The following TRIM16 variants were observed in gnomAD, a reference collection of about 807,000 sequenced individuals.
The protein encoded by TRIM16 is tripartite motif-containing protein 16.
TRIM16 carries 33 observed loss-of-function variants against 50.4 expected under a neutral mutation model. The observed-to-expected ratio is 0.65, with a 90% CI of 0.50 to 0.88. The LOEUF (loss-of-function observed/expected upper bound fraction) is 0.88, where lower values mean the gene tolerates loss of function less well. TRIM16 is among the 40% of genes least tolerant of loss of function. TRIM16 has a pLI of 0.00. For missense variants in TRIM16, 581 were observed against 686.8 expected (o/e 0.85, Z 1.72); for synonymous variants, 229 against 270.7 (o/e 0.85, Z 1.51).
At chr17:15,667,329 A>C in intron 6 of TRIM16, among the ~76,000 whole-genome samples, 1 of 152,204 alleles carries the variant, frequency 6.6e-6, no homozygotes, top group Non-Finnish European at 1.5e-5. Context: ...TTTTCCACAC[A>C]CTCAAAAATT....
chr17:15,642,842 G>C, intron 7 of TRIM16, 26 bp from the exon 8 acceptor site: 2 of 588,598 alleles, frequency 3.4e-6, no homozygotes, highest in Non-Finnish European at 5.6e-6. Context: ...AGAGAATTAA[G>C]GAGGAAGGAG....
At chr17:15,682,481 C>G (rs1048218287) in intron 3 of TRIM16, among the ~76,000 whole-genome samples, 1 of 152,198 alleles carries the variant, frequency 6.6e-6, no homozygotes, top group South Asian at 2.1e-4. Flanking sequence ...TTTGGGGGAT[C>G]CCTTTGTATC....
intron 7 of TRIM16, among the ~76,000 whole-genome samples, chr17:15,647,813 T>TCACA (rs1388052384): frequency 3.0e-5 from 3 of 100,236 alleles, no homozygotes; most frequent in African/African-American, 1.7e-4. Flanking sequence ...AGTCCAGATT[T>TCACA]CATACACACA....
Position 15,684,295 on chromosome 17 carries a change from A to T in TRIM16, c.-998T>A, listed in dbSNP as rs553691820. On this transcript the variant is annotated 5_prime_UTR_variant, in exon 1 of 12. Coordinates refer to ENST00000649191, the MANE Select transcript of TRIM16 (RefSeq NM_001348119.1). ...CTCGCCACGCGCGGAGATCCTCCAG[A>T]GAAAGGGGCCGGAAACGGAAGTGCG... 1 of 152,366 alleles carries T rather than the reference A, an allele frequency of 6.6e-6. No homozygotes were observed. The highest frequency in any genetic ancestry group is 1.9e-4 in the East Asian group (1 of 5,186). 9.4% of individuals were successfully genotyped at this position (152,366 alleles called of 1,614,324 possible). A position where few individuals can be genotyped will look rare whatever the true frequency, so the allele number is the denominator to read the frequency against.
intron 6 of TRIM16, chr17:15,654,229 C>T (rs968861997): frequency 2.6e-5 from 4 of 152,214 alleles, no homozygotes; most frequent in Admixed American, 2.6e-4. Context: ...TTTACAAATT[C>T]ATTCCAGACA....
chr17:15,665,899 T>C (rs996262046), intron 6 of TRIM16, among the ~76,000 whole-genome samples: 1 of 152,192 alleles, frequency 6.6e-6, no homozygotes, highest in Non-Finnish European at 1.5e-5. Flanking sequence ...CAAAATTAAA[T>C]GTAAGGCCTC....
chr17:15,629,258 T>C, intron 11 of TRIM16, 60 bp from the exon 12 acceptor site: 1 of 1,091,130 alleles, frequency 9.2e-7, no homozygotes, highest in Non-Finnish European at 1.3e-6. Flanking sequence ...TCAGACAGAA[T>C]GCTTTAAACC....
chr17:15,644,791 C>G (rs1987281597), intron 7 of TRIM16, among the ~76,000 whole-genome samples: 1 of 151,040 alleles, frequency 6.6e-6, no homozygotes, highest in Non-Finnish European at 1.5e-5. Context: ...GAGACCAAAC[C>G]TAAGTTTTTG....
At chr17:15,665,025 C>T (rs529134558) in intron 6 of TRIM16, among the ~76,000 whole-genome samples, 2 of 121,306 alleles carry the variant, frequency 1.6e-5, no homozygotes, top group South Asian at 5.7e-4. Flanking sequence ...GAGTGAGACT[C>T]CGTCTCAAAA....
At chr17:15,647,758 C>T (rs1987466055) in intron 7 of TRIM16, among the ~76,000 whole-genome samples, 1 of 151,692 alleles carries the variant, frequency 6.6e-6, no homozygotes, top group Non-Finnish European at 1.5e-5. Flanking sequence ...AAGAACCATA[C>T]CTGCTTCATG....
In TRIM16 at chr17:15,684,255, C is replaced by G. The variant is rs1436201462; in HGVS notation, c.-958G>C. 1 of 152,134 alleles carries G rather than the reference C, an allele frequency of 6.6e-6. No homozygotes were observed. Among genetic ancestry groups the G allele is most frequent in the Non-Finnish European group, 1.5e-5 (1 of 68,042 alleles). 9.4% of individuals were successfully genotyped at this position (152,134 alleles called of 1,614,324 possible). ...CAGAGAGGGTGTCTGCTCTGGGGGACAGGGAGGACACAGACTCGCCACGCG... is the reference window on the plus strand; with the variant it reads ...CAGAGAGGGTGTCTGCTCTGGGGGAGAGGGAGGACACAGACTCGCCACGCG... On this transcript the variant is annotated 5_prime_UTR_variant, in exon 1 of 12. Coordinates refer to ENST00000649191, the MANE Select transcript of TRIM16 (RefSeq NM_001348119.1).
At chr17:15,680,311 G>A (rs1989132532) in intron 4 of TRIM16, among the ~76,000 whole-genome samples, 1 of 142,822 alleles carries the variant, frequency 7.0e-6, no homozygotes, top group Non-Finnish European at 1.5e-5. Context: ...TTTTCCCTAA[G>A]ACACTTTATA....
chr17:15,677,221 G>A lies in TRIM16; in HGVS notation c.-383C>T, dbSNP rs1354954170. On this transcript the variant is annotated 5_prime_UTR_variant, in exon 6 of 12. In the 5' UTR this introduces an upstream ATG that the reference lacks. Transcript: ENST00000649191. ...ACCTCTCCCTCCTGCATTTGTGTTC[G>A]TGGGCTTACCACTTCTTCCAACTAG... 13 of 985,224 alleles carry A rather than the reference G, an allele frequency of 1.3e-5. No individual in the cohort carries two copies. The highest frequency in any genetic ancestry group is 1.7e-5 in the African/African-American group (1 of 57,182). 61.0% of individuals were successfully genotyped at this position (985,224 alleles called of 1,614,324 possible).
At chr17:15,661,368 G>A (rs1988230570) in intron 6 of TRIM16, among the ~76,000 whole-genome samples, 1 of 152,166 alleles carries the variant, frequency 6.6e-6, no homozygotes, top group Non-Finnish European at 1.5e-5. Flanking sequence ...GTGAGACAAG[G>A]AGCTGGCCAA....
chr17:15,635,120 T>C lies in TRIM16; in HGVS notation c.849+916A>G, dbSNP rs947078898. The stretch of plus-strand genomic sequence containing the variant: ...TTCCAAGTTTTTCACAATAAACATT[T>C]GTTTTTTGTAACTAGCAGAGAATTT... On this transcript the variant is annotated intron_variant, in intron 9 of 11. Coordinates refer to ENST00000649191, the MANE Select transcript of TRIM16 (RefSeq NM_001348119.1). Among the ~76,000 whole-genome samples the C allele has an allele frequency of 6.8e-4, 100 of 147,418 alleles. 3 individuals are homozygous for C. The highest frequency in any genetic ancestry group is 1.3e-3 in the Non-Finnish European group (85 of 66,766).
chr17:15,628,956 T>G lies in TRIM16; in HGVS notation c.1354A>C (p.Lys452Gln), dbSNP rs1291116453. ...VGLTCKGIDR[K>Q]GEERNSCISG... ...ATGCAACTGTTGCGCTCCTCCCCTT[T>G]CCGGTCGATGCCTTTGCAGGTCAGG... The change falls in exon 12 of 12, where the codon AAA (lysine) becomes CAA (glutamine). Residue 452 changes from lysine (K) to glutamine (Q), a missense_variant. Lys to Gln is a moderately conservative substitution (Grantham distance 53). Transcript: ENST00000649191. 2 of 1,614,158 alleles carry G rather than the reference T, an allele frequency of 1.2e-6. No homozygotes were observed. Among genetic ancestry groups the G allele is most frequent in the Non-Finnish European group, 1.7e-6 (2 of 1,180,034 alleles).
intron 6 of TRIM16, among the ~76,000 whole-genome samples, chr17:15,665,323 C>G (rs1988444105): frequency 6.6e-6 from 1 of 151,970 alleles, no homozygotes; most frequent in Non-Finnish European, 1.5e-5. Context: ...TCCTGGCTAA[C>G]CCAGTGAAAC....
intron 6 of TRIM16, among the ~76,000 whole-genome samples, chr17:15,655,675 T>G (rs1050972202): frequency 6.6e-6 from 1 of 151,912 alleles, no homozygotes. Context: ...CCCGGGTTCA[T>G]GCCATTCTCC....
intron 6 of TRIM16, among the ~76,000 whole-genome samples, chr17:15,663,223 T>C (rs1217208899): frequency 6.6e-6 from 1 of 152,222 alleles, no homozygotes; most frequent in Non-Finnish European, 1.5e-5. Flanking sequence ...TGGCCTGGCC[T>C]GGCAGGTAAC....
Sources: gnomAD v4.1 joint callset for allele counts (sites outside exome capture counted in the v4.1 genomes callset) on GRCh38, gnomAD v4.1.1 for gene constraint, MANE v1.5 for transcripts, NCBI Gene and HGNC (gene_info 2026-07-23, HGNC 2026-07-21) for gene names.